The following NT5C2 variants were observed in gnomAD, a reference collection of about 807,000 sequenced individuals.
NT5C2 encodes the protein cytosolic purine 5'-nucleotidase.
A neutral mutation model predicts 76.1 loss-of-function variants in NT5C2; 58 were observed. The observed-to-expected ratio is 0.76, with a 90% confidence interval of 0.62 to 0.95. The LOEUF (loss-of-function observed/expected upper bound fraction) is 0.95. NT5C2 is among the 40% of genes least tolerant of loss of function. The pLI, the probability that NT5C2 is intolerant of heterozygous loss-of-function variation, is 0.00. For missense variants in NT5C2, 478 were observed against 690.3 expected (o/e 0.69, Z 3.45); for synonymous variants, 229 against 237.4 (o/e 0.96, Z 0.32).
intron 14 of NT5C2, 25 bp from the exon 15 acceptor site, chr10:103,093,334 G>A (rs770736611): frequency 2.0e-6 from 3 of 1,508,948 alleles, no homozygotes; most frequent in South Asian, 2.8e-5. Flanking sequence ...TGAACAATGA[G>A]AAAACTGTCC....
At position 103,088,165 on chromosome 10, in the gene NT5C2, T is replaced by C. The variant is rs2065923449; in HGVS notation, c.*1507A>G. ...AGGTCAAAGTCACCGTTAGAAATAT[T>C]ACACTTTATTGAATTCTGGAGCAGC... On this transcript the variant is annotated 3_prime_UTR_variant, in exon 19 of 19. Coordinates refer to ENST00000404739, the MANE Select transcript of NT5C2 (RefSeq NM_001351169.2). The C allele has an allele frequency of 6.6e-6, 1 of 152,242 alleles. No homozygotes were observed. Among genetic ancestry groups the C allele is most frequent in the Admixed American group, 6.5e-5 (1 of 15,276 alleles). 9.4% of individuals were successfully genotyped at this position (152,242 alleles called of 1,614,324 possible).
In NT5C2 at chr10:103,133,703, T is replaced by G. The variant is rs1050245263; in HGVS notation, c.175+5703A>C. Among the ~76,000 whole-genome samples the G allele has an allele frequency of 2.0e-5, 3 of 152,318 alleles. No homozygotes were observed. In the East Asian group the frequency reaches 5.8e-4, roughly 29 times the overall value. On this transcript the variant is annotated intron_variant, in intron 4 of 18. Coordinates refer to ENST00000404739, the MANE Select transcript of NT5C2 (RefSeq NM_001351169.2). ...AAAAATGTGGAAGCAACTTTGGAAC[T>G]GGGTAACAGACAAATGTTAGAACAA...
chr10:103,100,811 C>T, intron 8 of NT5C2: 3 of 650,134 alleles, frequency 4.6e-6, no homozygotes, highest in Non-Finnish European at 2.8e-6. Flanking sequence ...CAGGAGAAGC[C>T]AATCAGAAGT....
chr10:103,162,214 C>T (rs932885615), intron 3 of NT5C2, among the ~76,000 whole-genome samples: 1 of 152,002 alleles, frequency 6.6e-6, no homozygotes, highest in East Asian at 1.9e-4. Context: ...CGGGGTTTCA[C>T]CATGTTGGCC....
chr10:103,160,644 C>T (rs1265804311), intron 3 of NT5C2, among the ~76,000 whole-genome samples: 3 of 152,154 alleles, frequency 2.0e-5, no homozygotes, highest in Non-Finnish European at 4.4e-5. Context: ...CATGAAAACA[C>T]GCTTACCATT....
At position 103,156,663 on chromosome 10, in the gene NT5C2, G is replaced by A. The variant is rs533178727; in HGVS notation, c.102-17184C>T. Among the ~76,000 whole-genome samples the A allele has an allele frequency of 9.2e-5, 14 of 151,848 alleles. No individual in the cohort carries two copies. In the East Asian group the frequency reaches 2.5e-3, roughly 27 times the overall value. ...CCAGCTACTCGGGAGGCTGAGGCTC[G>A]ACAATCACTTGAACCCAGGAGGCGG... On this transcript the variant is annotated intron_variant, in intron 3 of 18. Transcript: ENST00000404739.
chr10:103,111,273 C>G (rs1458226070), intron 4 of NT5C2, among the ~76,000 whole-genome samples: 6 of 152,182 alleles, frequency 3.9e-5, no homozygotes, highest in Non-Finnish European at 5.9e-5. Context: ...CCCCTAGTTA[C>G]TCAATATCGG....
At chr10:103,170,924 A>G (rs1335929781) in intron 3 of NT5C2, among the ~76,000 whole-genome samples, 5 of 152,198 alleles carry the variant, frequency 3.3e-5, no homozygotes, top group African/African-American at 1.2e-4. Context: ...GTTAATTAAT[A>G]CTTTATAGTG....
At position 103,107,858 on chromosome 10, in the gene NT5C2, G is replaced by C. The variant is rs144029686; in HGVS notation, c.176-1152C>G. Among the ~76,000 whole-genome samples the C allele has an allele frequency of 2.0e-5, 3 of 151,626 alleles. No individual in the cohort carries two copies. In the East Asian group the frequency reaches 5.9e-4, roughly 30 times the overall value. ...AGAGTTTACTACTGAAATTCAAGCA[G>C]AAAGAAAATGTTGCGGCCAGGTGCG... On this transcript the variant is annotated intron_variant, in intron 4 of 18. Coordinates refer to ENST00000404739, the MANE Select transcript of NT5C2 (RefSeq NM_001351169.2).
At position 103,132,865 on chromosome 10, in the gene NT5C2, TA is replaced by T. The variant is rs973160698; in HGVS notation, c.175+6540del. Among the ~76,000 whole-genome samples, 178 of 147,114 alleles carry T rather than the reference TA, an allele frequency of 1.2e-3. 1 individual carries two copies. Among genetic ancestry groups the T allele is most frequent in the South Asian group, 4.1e-3 (19 of 4,674 alleles). ...GCGCCTGGCCGCGGTCTAAAGTAAT[TA>T]AAAAAAAAAATTATGTCAAGAGTTA... is the stretch of plus-strand genomic sequence containing the variant. On this transcript the variant is annotated intron_variant, in intron 4 of 18. Transcript: ENST00000404739.
At chr10:103,117,910 A>G (rs2074744246) in intron 4 of NT5C2, among the ~76,000 whole-genome samples, 1 of 152,200 alleles carries the variant, frequency 6.6e-6, no homozygotes, top group Non-Finnish European at 1.5e-5. Flanking sequence ...TTTAAAAAAA[A>G]AAAGTATGAC....
chr10:103,122,364 G>A (rs1439921512), intron 4 of NT5C2, among the ~76,000 whole-genome samples: 1 of 152,158 alleles, frequency 6.6e-6, no homozygotes, highest in East Asian at 1.9e-4. Context: ...TTTGCCCCAG[G>A]CAGGGTTTTC....
chr10:103,188,996 C>T (rs1029128662), intron 1 of NT5C2, among the ~76,000 whole-genome samples: 7 of 150,118 alleles, frequency 4.7e-5, no homozygotes, highest in East Asian at 2.0e-4. Context: ...AGTGAGACTC[C>T]GTCTCGGAAA....
chr10:103,126,387 G>A (rs190553404), intron 4 of NT5C2, among the ~76,000 whole-genome samples: 23 of 152,280 alleles, frequency 1.5e-4, no homozygotes, highest in Admixed American at 1.2e-3. Context: ...ACTTTGGGAG[G>A]CCAAGGTGGG....
At position 103,088,959 on chromosome 10, in the gene NT5C2, T is replaced by C. The variant is rs891497854; in HGVS notation, c.*713A>G. On this transcript the variant is annotated 3_prime_UTR_variant, in exon 19 of 19. Coordinates refer to ENST00000404739, the MANE Select transcript of NT5C2 (RefSeq NM_001351169.2). ...TCCACTTGCAGCTAAATTCTTTCTA[T>C]AGATTTATCACAGATAAGAAGGAGG... 1 of 209,844 alleles carries C rather than the reference T, an allele frequency of 4.8e-6. No individual in the cohort carries two copies. The highest frequency in any genetic ancestry group is 2.3e-5 in the African/African-American group (1 of 44,014). The allele number at this position is 209,844 out of a possible 1,614,324, so 13.0% of individuals were successfully genotyped here. A position where few individuals can be genotyped will look rare whatever the true frequency, so the allele number is the denominator to read the frequency against.
In NT5C2 at chr10:103,130,592, A is replaced by AG. The variant is rs1191320464; in HGVS notation, c.175+8813_175+8814insC. Among the ~76,000 whole-genome samples, 42 of 149,482 alleles carry AG rather than the reference A, an allele frequency of 2.8e-4. 1 individual carries two copies. Among genetic ancestry groups the AG allele is most frequent in the Non-Finnish European group, 5.2e-4 (35 of 67,546 alleles). ...AAAAAAAAATAAAAATTAAAAAAAA[A>AG]AAAAAGAAAAATTAGAAGTTTACAA... On this transcript the variant is annotated intron_variant, in intron 4 of 18. Coordinates refer to ENST00000404739, the MANE Select transcript of NT5C2 (RefSeq NM_001351169.2).
intron 4 of NT5C2, 97 bp from the exon 5 acceptor site, chr10:103,106,803 C>T (rs995403171): frequency 1.4e-5 from 11 of 793,158 alleles, no homozygotes; most frequent in African/African-American, 6.8e-5. Context: ...AGTTCTTCCC[C>T]CCTCCTAATT....
At chr10:103,129,362 T>C (rs1363761694) in intron 4 of NT5C2, among the ~76,000 whole-genome samples, 53 of 67,424 alleles carry the variant, frequency 7.9e-4, no homozygotes, top group Admixed American at 9.9e-4. Flanking sequence ...GGGTCAGCTC[T>C]CCGCCCGGCC....
intron 4 of NT5C2, among the ~76,000 whole-genome samples, chr10:103,111,520 G>C (rs1590932438): frequency 6.6e-6 from 1 of 152,304 alleles, no homozygotes; most frequent in East Asian, 1.9e-4. Flanking sequence ...TGTGGGCTCT[G>C]TTTTGAGTAG....
Sources: allele counts gnomAD v4.1 joint callset (sites outside exome capture counted in the v4.1 genomes callset), GRCh38; gene constraint gnomAD v4.1.1; transcripts MANE v1.5; gene names NCBI Gene and HGNC (gene_info 2026-07-23, HGNC 2026-07-21).